TMEM132C: variants seen among roughly 807,000 people sequenced by gnomAD.
The protein encoded by TMEM132C is protein phosphatase 1, regulatory subunit 152.
TMEM132C carries 29 observed loss-of-function variants against 61.4 expected under a neutral mutation model. The observed-to-expected ratio is 0.47, with a 90% CI of 0.35 to 0.64. The LOEUF is 0.64. Among genes scored for constraint, TMEM132C ranks in the 30% least tolerant of loss-of-function variants. The pLI is 0.00. For synonymous variants in TMEM132C, 656 were observed against 633.1 expected, an observed-to-expected ratio of 1.04 and a Z score of -0.54; for missense variants, 1,408 against 1,476.9, an observed-to-expected ratio of 0.95 and a Z score of 0.76.
chr12:128,706,377 G>A lies in TMEM132C; in HGVS notation c.*82G>A. On this transcript the variant is annotated 3_prime_UTR_variant, in exon 9 of 9. Coordinates refer to ENST00000435159, the MANE Select transcript of TMEM132C (RefSeq NM_001136103.3). ...AAGTGGGGCAGAAGGCGTTGTCAGT[G>A]GGGTTAAGAAGGGACGGTCCCAGGG... The A allele has an allele frequency of 2.1e-6, 3 of 1,436,934 alleles. No homozygotes were observed. Among genetic ancestry groups the A allele is most frequent in the Non-Finnish European group, 2.7e-6 (3 of 1,097,912 alleles). 89.0% of individuals were successfully genotyped at this position (1,436,934 alleles called of 1,614,324 possible).
chr12:128,277,447 T>C (rs1430021289), intron 1 of TMEM132C, among the ~76,000 whole-genome samples: 1 of 152,192 alleles, frequency 6.6e-6, no homozygotes, highest in Non-Finnish European at 1.5e-5. Context: ...TCTCACACGG[T>C]TGTAGAAAAA....
chr12:128,619,456 G>C (rs1233521642), intron 4 of TMEM132C, among the ~76,000 whole-genome samples: 2 of 152,236 alleles, frequency 1.3e-5, no homozygotes, highest in Non-Finnish European at 2.9e-5. Context: ...AGCAGACCCT[G>C]CAGGCGGAAG....
chr12:128,598,701 C>T lies in TMEM132C; in HGVS notation c.1122-17451C>T, dbSNP rs60946286. On this transcript the variant is annotated intron_variant, in intron 3 of 8. Coordinates refer to ENST00000435159, the MANE Select transcript of TMEM132C (RefSeq NM_001136103.3). ...ATTGTTCAGCTTTCAGCTCAAAGGC[C>T]CTGTCTCGGGGAACCCTCTAACCCC... Among the ~76,000 whole-genome samples, 540 of 152,240 alleles carry T rather than the reference C, an allele frequency of 3.5e-3. 4 individuals are homozygous for T. The highest frequency in any genetic ancestry group is 0.012 in the African/African-American group (508 of 41,552).
intron 1 of TMEM132C, among the ~76,000 whole-genome samples, chr12:128,274,194 A>T (rs1251729626): frequency 6.6e-6 from 1 of 152,220 alleles, no homozygotes; most frequent in Admixed American, 6.5e-5. Context: ...CACAATGTGT[A>T]CGCATTTTTT....
chr12:128,523,382 A>G (rs925059847), intron 2 of TMEM132C, among the ~76,000 whole-genome samples: 2 of 152,206 alleles, frequency 1.3e-5, no homozygotes, highest in African/African-American at 4.8e-5. Context: ...AATGCCACTC[A>G]ACTGTATGCT....
intron 3 of TMEM132C, among the ~76,000 whole-genome samples, chr12:128,614,328 C>A (rs938140750): frequency 6.6e-6 from 1 of 152,184 alleles, no homozygotes; most frequent in African/African-American, 2.4e-5. Context: ...ACGAAAGCAA[C>A]CACAGGAAAA....
At chr12:128,691,120 G>A (rs540376327) in intron 5 of TMEM132C, among the ~76,000 whole-genome samples, 2 of 152,372 alleles carry the variant, frequency 1.3e-5, no homozygotes, top group Non-Finnish European at 2.9e-5. Flanking sequence ...TAAGTGCTAT[G>A]TGAGGGGTTT....
intron 2 of TMEM132C, among the ~76,000 whole-genome samples, chr12:128,513,833 T>C (rs188360441): frequency 1.3e-5 from 2 of 152,266 alleles, no homozygotes; most frequent in East Asian, 1.9e-4. Flanking sequence ...CAGGGTATGG[T>C]CCAGGATACA....
intron 1 of TMEM132C, among the ~76,000 whole-genome samples, chr12:128,310,420 C>T (rs954545289): frequency 6.6e-6 from 1 of 152,078 alleles, no homozygotes; most frequent in Non-Finnish European, 1.5e-5. Context: ...AAACATGGCA[C>T]TGGCATCTGC....
intron 3 of TMEM132C, among the ~76,000 whole-genome samples, chr12:128,562,682 G>A (rs753196996): frequency 3.0e-4 from 46 of 152,274 alleles, no homozygotes; most frequent in Admixed American, 2.0e-3. Context: ...CCTTCCTCCC[G>A]TGGAGCAGAC....
chr12:128,382,630 T>A (rs1331379270), intron 1 of TMEM132C, among the ~76,000 whole-genome samples: 4 of 152,232 alleles, frequency 2.6e-5, no homozygotes, highest in Non-Finnish European at 2.9e-5. Context: ...AACCTCCAGC[T>A]TTAATAATAA....
chr12:128,473,396 TCA>T (rs1871037967), intron 2 of TMEM132C, among the ~76,000 whole-genome samples: 1 of 152,210 alleles, frequency 6.6e-6, no homozygotes, highest in Non-Finnish European at 1.5e-5. Context: ...GCCTCCATCT[TCA>T]TTTTCACTCC....
intron 2 of TMEM132C, among the ~76,000 whole-genome samples, chr12:128,481,406 G>A (rs967869636): frequency 5.3e-5 from 8 of 152,156 alleles, no homozygotes; most frequent in Non-Finnish European, 1.2e-4. Flanking sequence ...TTGGGGCCAC[G>A]GCTCTTCACC....
intron 5 of TMEM132C, among the ~76,000 whole-genome samples, chr12:128,673,395 C>T (rs569267903): frequency 1.6e-4 from 24 of 152,278 alleles, no homozygotes; most frequent in Non-Finnish European, 2.5e-4. Context: ...TCCCAGTCTT[C>T]GGAACTGTGA....
chr12:128,401,477 A>G (rs912844609), intron 1 of TMEM132C, among the ~76,000 whole-genome samples: 17 of 152,196 alleles, frequency 1.1e-4, no homozygotes, highest in African/African-American at 3.1e-4. Flanking sequence ...TAGAGTCACC[A>G]TGGGTGTGTC....
In TMEM132C at chr12:128,674,720, G is replaced by C. The variant is rs192563954; in HGVS notation, c.1449+5160G>C. 3.3e-5 allele frequency among the ~76,000 whole-genome samples: 5 copies of C among 152,140 alleles called. No homozygotes were observed. The East Asian group carries it at 5.8e-4, about 18-fold the overall frequency. ...AGTTATTGGCGTACAGGTGGTATTT[G>C]GTTACATGAGTAAGTTCTTTACTGG... On this transcript the variant is annotated intron_variant, in intron 5 of 8. Coordinates refer to ENST00000435159, the MANE Select transcript of TMEM132C (RefSeq NM_001136103.3).
intron 1 of TMEM132C, among the ~76,000 whole-genome samples, chr12:128,396,822 C>G (rs1289272195): frequency 6.6e-6 from 1 of 152,202 alleles, no homozygotes; most frequent in Non-Finnish European, 1.5e-5. Context: ...CCACAGAGCC[C>G]TATCCTCTGT....
chr12:128,342,298 C>T (rs2678814), intron 1 of TMEM132C, among the ~76,000 whole-genome samples: 133,209 of 152,166 alleles, frequency 0.88, 59,469 homozygotes, highest in East Asian at 0.96. Flanking sequence ...TGAGCCACCA[C>T]GCCCAGCCAG....
intron 2 of TMEM132C, among the ~76,000 whole-genome samples, chr12:128,521,707 G>C (rs1195907923): frequency 6.6e-6 from 1 of 152,134 alleles, no homozygotes; most frequent in Admixed American, 6.5e-5. Flanking sequence ...TCCCTTGTTT[G>C]TGGAAATTCT....
Sources: allele counts gnomAD v4.1 joint callset (sites outside exome capture counted in the v4.1 genomes callset), GRCh38; gene constraint gnomAD v4.1.1; transcripts MANE v1.5; gene names NCBI Gene and HGNC (gene_info 2026-07-23, HGNC 2026-07-21).